CTNNAL1: variants seen among roughly 807,000 people sequenced by gnomAD.
CTNNAL1 encodes the protein alpha-catulin.
In CTNNAL1, 69 loss-of-function variants were observed where a neutral mutation model predicts 93.6. The observed-to-expected ratio is 0.74, with a 90% CI of 0.61 to 0.90. The LOEUF (loss-of-function observed/expected upper bound fraction) is 0.90. Among genes scored for constraint, CTNNAL1 ranks in the 40% least tolerant of loss-of-function variants. The pLI is 0.00. For synonymous variants in CTNNAL1, 286 were observed against 305.4 expected, an observed-to-expected ratio of 0.94 and a Z score of 0.66; for missense variants, 836 against 862.0, an observed-to-expected ratio of 0.97 and a Z score of 0.38.
At chr9:108,972,864 G>GGCCCCC in intron 8 of CTNNAL1, 31 bp from the exon 9 acceptor site, 13 of 142,528 alleles carry the variant, frequency 9.1e-5, no homozygotes, top group Non-Finnish European at 1.2e-4. Context: ...GGGGGGGTGG[G>GGCCCCC]AGGGTGGAGA....
rs1359724277 is a variant in CTNNAL1, at chr9:108,984,508, T to C, written c.640-72A>G. 1.4e-5 allele frequency: 11 copies of C among 805,844 alleles called. No individual in the cohort carries two copies. The African/African-American group carries it at 1.9e-4, about 14-fold the overall frequency. 49.9% of individuals were successfully genotyped at this position (805,844 alleles called of 1,614,324 possible). A position where few individuals can be genotyped will look rare whatever the true frequency, so the allele number is the denominator to read the frequency against. ...ACCCAATTTCTTAAAAAAGTATTTA[T>C]TCAACACTAATACTCAAGAATTCAC... On this transcript the variant is annotated intron_variant, in intron 4 of 18. Coordinates refer to ENST00000325551, the MANE Select transcript of CTNNAL1 (RefSeq NM_003798.4).
At chr9:108,945,837 C>A (rs1293177852) in intron 15 of CTNNAL1, among the ~76,000 whole-genome samples, 1 of 152,102 alleles carries the variant, frequency 6.6e-6, no homozygotes. Flanking sequence ...GCAAAACCTG[C>A]AGATAGGGAG....
chr9:108,990,401 A>G (rs1831754556), intron 4 of CTNNAL1, among the ~76,000 whole-genome samples: 1 of 152,216 alleles, frequency 6.6e-6, no homozygotes, highest in South Asian at 2.1e-4. Context: ...TATGTGCCTG[A>G]GCCCTAGTAG....
At chr9:108,945,864 T>C (rs1830389876) in intron 15 of CTNNAL1, among the ~76,000 whole-genome samples, 1 of 152,186 alleles carries the variant, frequency 6.6e-6, no homozygotes, top group Non-Finnish European at 1.5e-5. Context: ...GTGTATATCC[T>C]ATCTGACCTT....
At chr9:108,953,200 G>A (rs1830608842) in intron 12 of CTNNAL1, among the ~76,000 whole-genome samples, 1 of 152,182 alleles carries the variant, frequency 6.6e-6, no homozygotes, top group Non-Finnish European at 1.5e-5. Context: ...TTCCATCCTA[G>A]TTAGACCAGG....
intron 2 of CTNNAL1, among the ~76,000 whole-genome samples, 164 bp from the exon 3 acceptor site, chr9:108,992,983 C>T (rs1056304531): frequency 1.8e-4 from 27 of 151,374 alleles, no homozygotes; most frequent in African/African-American, 5.1e-4. Flanking sequence ...GATTATCATA[C>T]GAAGCTTTCT....
intron 6 of CTNNAL1, 51 bp downstream of exon 6, chr9:108,983,084 TTAAAATAAAA>T: frequency 4.0e-6 from 5 of 1,254,976 alleles, no homozygotes; most frequent in Non-Finnish European, 5.1e-6. Context: ...TCTCAAAAAA[TTAAAATAAAA>T]TAAAATAAAA....
At chr9:108,982,994 C>T in intron 6 of CTNNAL1, 151 bp downstream of exon 6, 1 of 594,024 alleles carries the variant, frequency 1.7e-6, no homozygotes, top group Non-Finnish European at 2.3e-6. Flanking sequence ...ACAAGAATCG[C>T]TTGAACCCAG....
chr9:108,966,829 G>C (rs1487764440), intron 10 of CTNNAL1, among the ~76,000 whole-genome samples: 2 of 152,122 alleles, frequency 1.3e-5, no homozygotes, highest in East Asian at 3.8e-4. Context: ...ATGGATGGCT[G>C]GGTTGAGTCT....
intron 15 of CTNNAL1, 110 bp downstream of exon 15, chr9:108,948,076 G>C (rs963987214): frequency 8.2e-7 from 1 of 1,218,906 alleles, no homozygotes; most frequent in Non-Finnish European, 1.2e-6. Flanking sequence ...TACACAGGTA[G>C]GTACAGATGT....
intron 12 of CTNNAL1, among the ~76,000 whole-genome samples, chr9:108,955,037 A>G (rs1830658203): frequency 6.6e-6 from 1 of 151,270 alleles, no homozygotes; most frequent in African/African-American, 2.4e-5. Context: ...ATCTTGGCTC[A>G]CTGCAACCTC....
chr9:108,969,484 T>A (rs1157162512), intron 10 of CTNNAL1, among the ~76,000 whole-genome samples: 4 of 152,218 alleles, frequency 2.6e-5, no homozygotes, highest in African/African-American at 9.7e-5. Flanking sequence ...TCTATACATA[T>A]GAAATTATGG....
chr9:108,985,814 C>G (rs1335101740), intron 4 of CTNNAL1, among the ~76,000 whole-genome samples: 1 of 152,162 alleles, frequency 6.6e-6, no homozygotes, highest in Non-Finnish European at 1.5e-5. Context: ...ATACCTGACA[C>G]TTACAAGCCA....
intron 5 of CTNNAL1, among the ~76,000 whole-genome samples, chr9:108,983,868 C>T (rs938585035): frequency 6.6e-6 from 1 of 152,216 alleles, no homozygotes; most frequent in Non-Finnish European, 1.5e-5. Flanking sequence ...TCTAGAATTG[C>T]ACCAATTTGC....
At chr9:108,991,670 C>A (rs891689545) in intron 3 of CTNNAL1, among the ~76,000 whole-genome samples, 1 of 152,168 alleles carries the variant, frequency 6.6e-6, no homozygotes, top group African/African-American at 2.4e-5. Context: ...GTTGCCACCA[C>A]TGTGAGAACC....
At chr9:109,007,289 A>T (rs1827061254) in intron 1 of CTNNAL1, among the ~76,000 whole-genome samples, 1 of 152,156 alleles carries the variant, frequency 6.6e-6, no homozygotes, top group African/African-American at 2.4e-5. Context: ...ACAAATCAGC[A>T]AAGAGCAGAG....
chr9:108,976,259 A>G (rs937826479), intron 8 of CTNNAL1, among the ~76,000 whole-genome samples: 1 of 152,170 alleles, frequency 6.6e-6, no homozygotes, highest in Non-Finnish European at 1.5e-5. Flanking sequence ...GGAATTTTAT[A>G]CATATAATCA....
intron 15 of CTNNAL1, among the ~76,000 whole-genome samples, chr9:108,947,949 A>G (rs1587941671): frequency 6.6e-6 from 1 of 152,182 alleles, no homozygotes; most frequent in South Asian, 2.1e-4. Flanking sequence ...ACTACCAACA[A>G]AGCCCATTCT....
intron 14 of CTNNAL1, chr9:108,950,451 A>T: frequency 6.6e-7 from 1 of 1,525,926 alleles, no homozygotes; most frequent in Non-Finnish European, 8.8e-7. Context: ...CTGACAAATG[A>T]CAGCTAAACA....
Sources: gnomAD v4.1 joint callset for allele counts (sites outside exome capture counted in the v4.1 genomes callset) on GRCh38, gnomAD v4.1.1 for gene constraint, MANE v1.5 for transcripts, NCBI Gene and HGNC (gene_info 2026-07-23, HGNC 2026-07-21) for gene names.